The following PRODH2 variants were observed in gnomAD, a reference collection of about 807,000 sequenced individuals.
The protein encoded by PRODH2 is hydroxyproline dehydrogenase.
In PRODH2, 49 loss-of-function variants were observed where a neutral mutation model predicts 51.9. The observed-to-expected ratio is 0.94, with a 90% CI of 0.75 to 1.20. The LOEUF (loss-of-function observed/expected upper bound fraction) is 1.20. PRODH2 is among the 50% of genes most tolerant of loss of function. The pLI, the probability that PRODH2 is intolerant of heterozygous loss-of-function variation, is 0.00. For missense variants in PRODH2, 597 were observed against 610.9 expected (o/e 0.98, Z 0.24); for synonymous variants, 249 against 260.7 (o/e 0.96, Z 0.43).
intron 7 of PRODH2, among the ~76,000 whole-genome samples, 193 bp downstream of exon 7, chr19:35,806,237 T>C (rs549602855): frequency 4.9e-4 from 75 of 152,158 alleles, no homozygotes; most frequent in Admixed American, 1.4e-3. Flanking sequence ...AGGCATGTGC[T>C]ACCACACCTG....
intron 4 of PRODH2, among the ~76,000 whole-genome samples, chr19:35,807,943 T>A (rs1304482922): frequency 6.6e-6 from 1 of 151,834 alleles, no homozygotes; most frequent in Non-Finnish European, 1.5e-5. Flanking sequence ...GCCGGGCTAA[T>A]TCTTTACTAT....
Position 35,802,107 on chromosome 19 carries a change from C to T in PRODH2, c.1198+84G>A, listed in dbSNP as rs569807180. On this transcript the variant is annotated intron_variant, in intron 9 of 9. Coordinates refer to ENST00000653904, the MANE Select transcript of PRODH2 (RefSeq NM_021232.2). ...TCTCTGGAAGGATCTGGAGGCTGGG[C>T]CTTGGTTGGGAATAGGAGAAGGGCT... The T allele has an allele frequency of 6.2e-6, 8 of 1,284,748 alleles. No individual in the cohort carries two copies. In the East Asian group the frequency reaches 1.8e-4, roughly 30 times the overall value. 79.6% of individuals were successfully genotyped at this position (1,284,748 alleles called of 1,614,324 possible).
chr19:35,809,088 CTT>C (rs1024853418), intron 4 of PRODH2, among the ~76,000 whole-genome samples: 1 of 149,872 alleles, frequency 6.7e-6, no homozygotes, highest in Non-Finnish European at 1.5e-5. Context: ...GCCCTTTTTT[CTT>C]TCTTTCTTTA....
Position 35,812,490 on chromosome 19 carries a change from A to G in PRODH2, c.241T>C (p.Tyr81His). 6.2e-7 allele frequency: 1 copy of G among 1,614,230 alleles called. No individual in the cohort carries two copies. Among genetic ancestry groups the G allele is most frequent in the Non-Finnish European group, 8.5e-7 (1 of 1,180,026 alleles). Reference protein sequence around the residue: ...LSGAFLRASVYGQFVAGETAE... With the variant: ...LSGAFLRASVHGQFVAGETAE... Reference sequence around the variant, plus strand: ...GTCTCACCAGCCACAAACTGCCCATAGACGGATGCTCGGAGAAATGCGCCT... The same window carrying G: ...GTCTCACCAGCCACAAACTGCCCATGGACGGATGCTCGGAGAAATGCGCCT... The change falls in exon 2 of 10, where the codon TAT (tyrosine) becomes CAT (histidine). Residue 81 changes from tyrosine (Y) to histidine (H), a missense_variant. Transcript: ENST00000653904.
intron 4 of PRODH2, 44 bp downstream of exon 4, chr19:35,811,918 G>C (rs1311637625): frequency 6.3e-7 from 1 of 1,588,928 alleles, no homozygotes; most frequent in African/African-American, 1.3e-5. Context: ...CCGCATCTAA[G>C]TCCAAGGCAC....
chr19:35,806,917 C>T, intron 5 of PRODH2, 87 bp from the exon 6 acceptor site: 3 of 1,548,930 alleles, frequency 1.9e-6, no homozygotes, highest in East Asian at 4.9e-5. Context: ...TTACCTGTGC[C>T]ACCCGATGCA....
rs1568442962 is a variant in PRODH2, at chr19:35,809,973, A to AC, written c.597+1988_597+1989insG. ...GATGCCGCTTCAAAAAAAAAAAAAA[A>AC]AAAAAAAAAAAACGCTGGGCGTGGT... On this transcript the variant is annotated intron_variant, in intron 4 of 9. Coordinates refer to ENST00000653904, the MANE Select transcript of PRODH2 (RefSeq NM_021232.2). 6.8e-4 allele frequency among the ~76,000 whole-genome samples: 96 copies of AC among 140,704 alleles called. 1 individual carries two copies. The highest frequency in any genetic ancestry group is 2.4e-3 in the African/African-American group (89 of 37,838). The allele number at this position is 140,704 out of a possible 152,430, so 92.3% of individuals were successfully genotyped here.
At chr19:35,806,288 T>A (rs1972509773) in intron 7 of PRODH2, 142 bp downstream of exon 7, 2 of 1,040,404 alleles carry the variant, frequency 1.9e-6, no homozygotes, top group African/African-American at 3.2e-5. Flanking sequence ...CTCCCTGTGT[T>A]GCCCAGGCTG....
intron 7 of PRODH2, among the ~76,000 whole-genome samples, chr19:35,805,662 A>G (rs191059296): frequency 6.6e-6 from 1 of 152,330 alleles, no homozygotes; most frequent in Admixed American, 6.5e-5. Context: ...TTCCTGCCTC[A>G]GCCTCCCAAG....
Position 35,806,666 on chromosome 19 carries a change from A to G in PRODH2, c.834+9T>C. Reference sequence around the variant, plus strand: ...CCCCAGCCTGTACCTCCTGGAACACACTGCACACCTTTAGACAGGCCTGGT... The same window carrying G: ...CCCCAGCCTGTACCTCCTGGAACACGCTGCACACCTTTAGACAGGCCTGGT... On this transcript the variant is annotated intron_variant, in intron 6 of 9. Transcript: ENST00000653904. 1.3e-5 allele frequency: 21 copies of G among 1,614,014 alleles called. No individual in the cohort carries two copies. Among genetic ancestry groups the G allele is most frequent in the Non-Finnish European group, 1.7e-5 (20 of 1,179,864 alleles).
intron 5 of PRODH2, 62 bp from the exon 6 acceptor site, chr19:35,806,892 T>A: frequency 3.9e-6 from 6 of 1,555,518 alleles, no homozygotes; most frequent in Non-Finnish European, 3.5e-6. Context: ...TGGAGCCAGA[T>A]CCCAGCAGGA....
At chr19:35,804,026 T>G (rs1972472232) in intron 7 of PRODH2, among the ~76,000 whole-genome samples, 3 of 152,188 alleles carry the variant, frequency 2.0e-5, no homozygotes, top group East Asian at 1.9e-4. Flanking sequence ...TGGAGTCATG[T>G]GCAGGAAGGA....
intron 8 of PRODH2, 164 bp from the exon 9 acceptor site, chr19:35,802,440 G>C: frequency 1.5e-6 from 1 of 677,714 alleles, no homozygotes; most frequent in Non-Finnish European, 2.6e-6. Flanking sequence ...AGGTCCCCCA[G>C]TGACTCCCAG....
At chr19:35,810,784 G>T (rs1273321701) in intron 4 of PRODH2, among the ~76,000 whole-genome samples, 4 of 152,140 alleles carry the variant, frequency 2.6e-5, no homozygotes, top group Admixed American at 2.0e-4. Context: ...GCCTCCCAAA[G>T]TGCTGGGATT....
Position 35,812,570 on chromosome 19 carries a change from A to T in PRODH2, c.175-14T>A. On this transcript the variant is annotated splice_polypyrimidine_tract_variant and intron_variant, in intron 1 of 9. Coordinates refer to ENST00000653904, the MANE Select transcript of PRODH2 (RefSeq NM_021232.2). Reference sequence around the variant, plus strand: ...CCAGGCCTGGAGCTGGGTGACAGGGAGCGAGGGCTCAGCGCCAGGCTATGA... The same window carrying T: ...CCAGGCCTGGAGCTGGGTGACAGGGTGCGAGGGCTCAGCGCCAGGCTATGA... 6.2e-7 allele frequency: 1 copy of T among 1,612,136 alleles called. No homozygotes were observed. Among genetic ancestry groups the T allele is most frequent in the Non-Finnish European group, 8.5e-7 (1 of 1,178,744 alleles).
At chr19:35,800,369 C>T (rs1341814508) in intron 9 of PRODH2, 147 bp from the exon 10 acceptor site, 4 of 724,604 alleles carry the variant, frequency 5.5e-6, no homozygotes, top group Non-Finnish European at 8.4e-6. Flanking sequence ...ATGCCTCAGC[C>T]TCCAGAATGG....
intron 9 of PRODH2, 28 bp from the exon 10 acceptor site, chr19:35,800,250 C>T (rs765642885): frequency 2.6e-5 from 40 of 1,514,742 alleles, no homozygotes; most frequent in Middle Eastern, 3.6e-4. Flanking sequence ...TTTGTTTTTT[C>T]GTTTTTGGTG....
At position 35,812,250 on chromosome 19, in the gene PRODH2, G is replaced by A. The variant is rs763997975; in HGVS notation, c.394C>T (p.Leu132Phe). ...KSGEAWYEGN[L>F]GAMLRCVDLS... ...TCCACACACCGCAGCATAGCACCGA[G>A]GTTCCCCTCATACCACGCCTCACTG... Residue 132 changes from leucine to phenylalanine, a missense_variant, in exon 3 of 10, where the codon CTC (leucine) becomes TTC (phenylalanine). Leu to Phe is a conservative substitution (Grantham distance 22, BLOSUM62 0). Coordinates refer to ENST00000653904, the MANE Select transcript of PRODH2 (RefSeq NM_021232.2). The A allele has an allele frequency of 1.2e-6, 2 of 1,613,656 alleles. No individual in the cohort carries two copies. The highest frequency in any genetic ancestry group is 1.3e-5 in the African/African-American group (1 of 75,076).
At position 35,812,118 on chromosome 19, in the gene PRODH2, T is replaced by C; in HGVS notation, c.510+16A>G. 1 of 1,613,374 alleles carries C rather than the reference T, an allele frequency of 6.2e-7. No individual in the cohort carries two copies. The highest frequency in any genetic ancestry group is 8.5e-7 in the Non-Finnish European group (1 of 1,179,504). Reference sequence around the variant, plus strand: ...CAGCCGCGCCCTCCCCGCACCCCCGTCTTTGCACTCCTTACACAGAGCCGA... The same window carrying C: ...CAGCCGCGCCCTCCCCGCACCCCCGCCTTTGCACTCCTTACACAGAGCCGA... On this transcript the variant is annotated intron_variant, in intron 3 of 9. Coordinates refer to ENST00000653904, the MANE Select transcript of PRODH2 (RefSeq NM_021232.2).
Sources: allele counts gnomAD v4.1 joint callset (sites outside exome capture counted in the v4.1 genomes callset), GRCh38; gene constraint gnomAD v4.1.1; transcripts MANE v1.5; gene names NCBI Gene and HGNC (gene_info 2026-07-23, HGNC 2026-07-21).